The following PSCA variants were observed in gnomAD, a reference collection of about 807,000 sequenced individuals.
The protein encoded by PSCA is prostate stem cell antigen.
In PSCA, 7 loss-of-function variants were observed where a neutral mutation model predicts 7.9. That is an observed-to-expected ratio of 0.89 (90% CI 0.51 to 1.67). The LOEUF (loss-of-function observed/expected upper bound fraction) is 1.67. Among genes scored for constraint, PSCA ranks in the 40% most tolerant of loss-of-function variants. The pLI is 0.00. For missense variants in PSCA, 151 were observed against 147.9 expected, an observed-to-expected ratio of 1.02 and a Z score of -0.11; for synonymous variants, 61 against 68.3, an observed-to-expected ratio of 0.89 and a Z score of 0.53.
intron 1 of PSCA, 185 bp from the exon 2 acceptor site, chr8:142,681,142 A>G (rs587766979): frequency 2.1e-5 from 12 of 578,392 alleles, no homozygotes; most frequent in Admixed American, 9.1e-5. Context: ...GAGGGACTAA[A>G]CAGGGCAACA....
chr8:142,681,318 AC>A lies in PSCA; in HGVS notation c.26-5del. 2 of 1,550,814 alleles carry A rather than the reference AC, an allele frequency of 1.3e-6. No homozygotes were observed. Among genetic ancestry groups the A allele is most frequent in the Non-Finnish European group, 8.7e-7 (1 of 1,146,188 alleles). ...CAGCCTCTGAGGCCCCTCCCACTCC[AC>A]CCCACAGGCACTGCCCTGCTGTGCT... On this transcript the variant is annotated splice_region_variant and splice_polypyrimidine_tract_variant and intron_variant, in intron 1 of 2. Coordinates refer to ENST00000301258, the MANE Select transcript of PSCA (RefSeq NM_005672.5).
upstream of PSCA, among the ~76,000 whole-genome samples, chr8:142,679,653 G>A (rs1554638126): frequency 2.0e-5 from 3 of 152,218 alleles, no homozygotes; most frequent in African/African-American, 7.2e-5. Context: ...CCAGGTTATA[G>A]GTGGATTTAA....
At chr8:142,680,603 G>A in intron 1 of PSCA, 40 bp downstream of exon 1, 1 of 1,552,402 alleles carries the variant, frequency 6.4e-7, no homozygotes, top group Non-Finnish European at 8.7e-7. Context: ...AGGGAGCAGG[G>A]GTGAGCCGGG....
intron 2 of PSCA, 87 bp downstream of exon 2, chr8:142,681,521 G>C (rs1814635154): frequency 1.6e-6 from 2 of 1,242,440 alleles, no homozygotes; most frequent in East Asian, 2.5e-5. Flanking sequence ...TCTGTGTGCT[G>C]TTTTCCTTCC....
intron 1 of PSCA, among the ~76,000 whole-genome samples, chr8:142,674,398 CAT>C (rs1847372624): frequency 6.7e-6 from 1 of 149,692 alleles, no homozygotes; most frequent in East Asian, 2.0e-4. Context: ...TCAGATCCCC[CAT>C]CTTCCTAATG....
At chr8:142,675,112 T>C (rs2978978) in intron 1 of PSCA, among the ~76,000 whole-genome samples, 67,253 of 152,112 alleles carry the variant, frequency 0.44, 15,077 homozygotes, top group Admixed American at 0.51. Flanking sequence ...AGGCCTCTCA[T>C]AGCAGGGGTG....
intron 2 of PSCA, 92 bp downstream of exon 2, chr8:142,681,526 C>T (rs1158066412): frequency 4.2e-6 from 5 of 1,194,304 alleles, no homozygotes; most frequent in Non-Finnish European, 6.0e-6. Flanking sequence ...GTGCTGTTTT[C>T]CTTCCACCTG....
upstream of PSCA, among the ~76,000 whole-genome samples, chr8:142,676,926 C>G (rs587600480): frequency 8.5e-5 from 13 of 152,342 alleles, no homozygotes; most frequent in South Asian, 2.7e-3. Context: ...CCAGAAGATC[C>G]AGGCTCAGTT....
chr8:142,680,280 G>C (rs1335043866), upstream of PSCA: 8 of 538,936 alleles, frequency 1.5e-5, no homozygotes, highest in Non-Finnish European at 2.7e-5. Context: ...CCCTCAGCCC[G>C]GGGTGGCTGA....
chr8:142,674,632 A>G (rs1208253563), intron 1 of PSCA, among the ~76,000 whole-genome samples: 5 of 152,230 alleles, frequency 3.3e-5, no homozygotes, highest in Non-Finnish European at 7.3e-5. Flanking sequence ...AAACTTTTAC[A>G]AAGGCAGTTT....
Position 142,673,788 on chromosome 8 carries a change from G to A in PSCA, n.261+3220G>A. On this transcript the variant is annotated intron_variant and non_coding_transcript_variant, in intron 1 of 1. Transcript: ENST00000505305. The surrounding 1 kb of genome is among the most constrained non-coding windows in gnomAD (Gnocchi z 4.6). ...CGCTAGAGCCATCCATCAGTCATTA[G>A]ACGTGCAAAAACCTGAAACGACATC... Among the ~76,000 whole-genome samples, 1 of 152,246 alleles carries A rather than the reference G, an allele frequency of 6.6e-6. No homozygotes were observed. The highest frequency in any genetic ancestry group is 1.5e-5 in the Non-Finnish European group (1 of 68,040).
intron 1 of PSCA, among the ~76,000 whole-genome samples, chr8:142,675,392 GCA>G (rs1235601322): frequency 6.6e-6 from 1 of 152,182 alleles, no homozygotes; most frequent in Non-Finnish European, 1.5e-5. Flanking sequence ...CCAGGAAAAG[GCA>G]CCTCCTCTGG....
upstream of PSCA, among the ~76,000 whole-genome samples, chr8:142,675,689 T>A (rs1231292134): frequency 6.6e-6 from 1 of 152,080 alleles, no homozygotes; most frequent in Non-Finnish European, 1.5e-5. Flanking sequence ...TGTGGCACAC[T>A]CCCATGCCCA....
intron 1 of PSCA, among the ~76,000 whole-genome samples, chr8:142,672,623 T>C (rs782406225): frequency 1.4e-4 from 21 of 152,114 alleles, no homozygotes; most frequent in Non-Finnish European, 2.5e-4. Flanking sequence ...AGCAGCATCA[T>C]TGGGGTAAAT....
chr8:142,674,041 G>A (rs587646115), intron 1 of PSCA, among the ~76,000 whole-genome samples: 2 of 149,410 alleles, frequency 1.3e-5, no homozygotes, highest in South Asian at 2.2e-4. Flanking sequence ...GCTGGGAATC[G>A]TTTCAGTCTA....
rs1847354734 is a variant in PSCA, at chr8:142,673,114, T to C, written n.261+2546T>C. Among the ~76,000 whole-genome samples the C allele has an allele frequency of 6.6e-6, 1 of 152,240 alleles. No individual in the cohort carries two copies. The highest frequency in any genetic ancestry group is 1.5e-5 in the Non-Finnish European group (1 of 68,038). Reference sequence around the variant, plus strand: ...TGCTTGTCTTATGTTTGCGGCTCGATTTTACAGGCTGCTCTTTGTTAGAAA... The same window carrying C: ...TGCTTGTCTTATGTTTGCGGCTCGACTTTACAGGCTGCTCTTTGTTAGAAA... On this transcript the variant is annotated intron_variant and non_coding_transcript_variant, in intron 1 of 1. Coordinates refer to the PSCA transcript ENST00000505305. The surrounding 1 kb of genome is among the most constrained non-coding windows in gnomAD (Gnocchi z 4.6).
Position 142,681,945 on chromosome 8 carries a change from T to C in PSCA, c.158T>C (p.Ile53Thr), listed in dbSNP as rs1554638414. 8 of 1,570,386 alleles carry C rather than the reference T, an allele frequency of 5.1e-6. No individual in the cohort carries two copies. In the Admixed American group the frequency reaches 1.3e-4, roughly 25 times the overall value. Reference protein sequence around the residue: ...RIRAVGLLTVISKGCSLNCVD... With the variant: ...RIRAVGLLTVTSKGCSLNCVD... The stretch of plus-strand genomic sequence containing the variant: ...GGCGCAGTTGGCCTCCTGACCGTCA[T>C]CAGCAAAGGCTGCAGCTTGAACTGC... The change falls in exon 3 of 3, where the codon ATC becomes ACC. Residue 53 changes from isoleucine (I) to threonine (T), a missense_variant. Physicochemically the swap from Ile to Thr is moderately conservative, Grantham distance 89. Transcript: ENST00000301258.
At position 142,681,321 on chromosome 8, in the gene PSCA, C is replaced by G. The variant is rs1272282738; in HGVS notation, c.26-6C>G. The G allele has an allele frequency of 2.6e-6, 4 of 1,552,708 alleles. No homozygotes were observed. In the African/African-American group the frequency reaches 5.5e-5, roughly 21 times the overall value. ...CCTCTGAGGCCCCTCCCACTCCACC[C>G]CACAGGCACTGCCCTGCTGTGCTAC... On this transcript the variant is annotated splice_polypyrimidine_tract_variant and splice_region_variant and intron_variant, in intron 1 of 2. Coordinates refer to ENST00000301258, the MANE Select transcript of PSCA (RefSeq NM_005672.5).
At chr8:142,680,598 G>C in intron 1 of PSCA, 35 bp downstream of exon 1, 1 of 1,552,798 alleles carries the variant, frequency 6.4e-7, no homozygotes, top group African/African-American at 1.4e-5. Context: ...AGGGAAGGGA[G>C]CAGGGGTGAG....
Sources: gnomAD v4.1 joint callset for allele counts (sites outside exome capture counted in the v4.1 genomes callset) on GRCh38, gnomAD v4.1.1 for gene constraint, Gnocchi (gnomAD v3.1) non-coding constraint, MANE v1.5 for transcripts, NCBI Gene and HGNC (gene_info 2026-07-23, HGNC 2026-07-21) for gene names.